SIRT3: variants seen among roughly 807,000 people sequenced by gnomAD.
SIRT3 encodes sirtuin 3.
In SIRT3, 26 loss-of-function variants were observed where a neutral mutation model predicts 33.5. That is an observed-to-expected ratio of 0.78 (90% CI 0.57 to 1.08). SIRT3 has a LOEUF of 1.08. Ranked by LOEUF, SIRT3 falls within the 50% of genes least tolerant of loss-of-function variation. The pLI is 0.00. For missense variants in SIRT3, 585 were observed against 530.1 expected, an observed-to-expected ratio of 1.10 and a Z score of -1.02; for synonymous variants, 237 against 222.1, an observed-to-expected ratio of 1.07 and a Z score of -0.60.
At chr11:225,514 T>C (rs574601962) in intron 4 of SIRT3, among the ~76,000 whole-genome samples, 23 of 152,156 alleles carry the variant, frequency 1.5e-4, no homozygotes, top group Middle Eastern at 3.4e-3. Context: ...AATAACCAAA[T>C]AGAACTTCTA....
At chr11:235,637 C>A (rs955969843) in intron 1 of SIRT3, among the ~76,000 whole-genome samples, 14 of 152,136 alleles carry the variant, frequency 9.2e-5, no homozygotes, top group Admixed American at 8.5e-4. Flanking sequence ...TCCTATGTAG[C>A]CTCAGTTCTT....
chr11:226,783 C>T (rs1315591761), intron 4 of SIRT3, among the ~76,000 whole-genome samples: 5 of 133,320 alleles, frequency 3.8e-5, no homozygotes, highest in African/African-American at 1.3e-4. Context: ...GATGGAGTTT[C>T]GCTCTTGTTT....
At chr11:219,164 G>A in intron 5 of SIRT3, 123 bp from the exon 6 acceptor site, 1 of 1,244,918 alleles carries the variant, frequency 8.0e-7, no homozygotes, top group South Asian at 1.5e-5. Context: ...CTGCGATATA[G>A]GGAAAACCCA....
Position 233,179 on chromosome 11 carries a change from C to G in SIRT3, c.510G>C (p.Gln170His), listed in dbSNP as rs1016606459. The G allele has an allele frequency of 2.5e-6, 4 of 1,614,090 alleles. No individual in the cohort carries two copies. In the African/African-American group the frequency reaches 5.3e-5, roughly 22 times the overall value. ...TGGCCTCGGGGTACGGGAGATCGTA[C>G]TGCTGGAGGTTGCTGTACAGGCCAC... The part of the protein sequence containing the change: ...PGSGLYSNLQ[Q>H]YDLPYPEAIF... The change falls in exon 3 of 7, where the codon CAG becomes CAC. Residue 170 changes from glutamine to histidine, a missense_variant. Gln to His is a conservative substitution (Grantham distance 24). Transcript: ENST00000382743.
intron 4 of SIRT3, 146 bp from the exon 5 acceptor site, chr11:224,385 G>T: frequency 1.2e-6 from 1 of 866,730 alleles, no homozygotes; most frequent in Non-Finnish European, 1.8e-6. Flanking sequence ...CCAGCTTCAG[G>T]AATTACCAGT....
intron 6 of SIRT3, among the ~76,000 whole-genome samples, chr11:217,424 G>A (rs560123181): frequency 6.6e-6 from 1 of 152,346 alleles, no homozygotes; most frequent in South Asian, 2.1e-4. Flanking sequence ...ACTCCAGCTT[G>A]GGCAACAAGA....
chr11:216,848 A>G, intron 6 of SIRT3, 130 bp from the exon 7 acceptor site: 1 of 996,202 alleles, frequency 1.0e-6, no homozygotes, highest in Non-Finnish European at 1.6e-6. Context: ...TTCTGCAAAT[A>G]CTGCTGCTGC....
chr11:236,911 G>A, upstream of SIRT3: 2 of 713,978 alleles, frequency 2.8e-6, no homozygotes, highest in Non-Finnish European at 4.9e-6. Context: ...CAACCAGCGG[G>A]GCCCGCCCCC....
At chr11:218,630 G>T in intron 6 of SIRT3, 1 of 972,900 alleles carries the variant, frequency 1.0e-6, no homozygotes, top group Non-Finnish European at 1.5e-6. Context: ...TGCTTGGCCT[G>T]TTAGCATCTG....
intron 5 of SIRT3, among the ~76,000 whole-genome samples, chr11:221,524 T>C (rs935905961): frequency 9.2e-5 from 14 of 152,266 alleles, no homozygotes; most frequent in African/African-American, 3.4e-4. Flanking sequence ...AAAGCTCTTG[T>C]GGCTGAATAT....
Position 236,337 on chromosome 11 carries a change from C to CCGCGG in SIRT3, c.-10_-9insCCGCG. 7.2e-7 allele frequency: 1 copy of CCGCGG among 1,385,668 alleles called. No homozygotes were observed. Among genetic ancestry groups the CCGCGG allele is most frequent in the Non-Finnish European group, 9.3e-7 (1 of 1,071,614 alleles). 85.8% of individuals were successfully genotyped at this position (1,385,668 alleles called of 1,614,324 possible). On this transcript the variant is annotated 5_prime_UTR_variant, in exon 1 of 7. Coordinates refer to ENST00000382743, the MANE Select transcript of SIRT3 (RefSeq NM_012239.6). Reference sequence around the variant, plus strand: ...CAACCCCAGAACGCCATGTTCCGCGCAGTCCAAGGAGTCCTCCGGACTCGC... The same window carrying CCGCGG: ...CAACCCCAGAACGCCATGTTCCGCGCCGCGGAGTCCAAGGAGTCCTCCGGACTCGC...
At chr11:221,770 C>G (rs1250584478) in intron 5 of SIRT3, among the ~76,000 whole-genome samples, 1 of 152,220 alleles carries the variant, frequency 6.6e-6, no homozygotes, top group Non-Finnish European at 1.5e-5. Flanking sequence ...AAACTGTTGG[C>G]ATTAACAACG....
At position 223,620 on chromosome 11, in the gene SIRT3, C is replaced by T. The variant is rs968969207; in HGVS notation, c.969+458G>A. On this transcript the variant is annotated intron_variant, in intron 5 of 6. Coordinates refer to ENST00000382743, the MANE Select transcript of SIRT3 (RefSeq NM_012239.6). The surrounding 1 kb of genome is among the most constrained non-coding windows in gnomAD (Gnocchi z 4.8). ...GCCCCTCCACCTCGCCCCCACACCC[C>T]CATCCTTCTCCCTTCTCCTCACACG... 4.2e-6 allele frequency: 2 copies of T among 478,884 alleles called. No individual in the cohort carries two copies. Among genetic ancestry groups the T allele is most frequent in the South Asian group, 3.8e-5 (2 of 52,090 alleles). The allele number at this position is 478,884 out of a possible 1,614,324, so 29.7% of individuals were successfully genotyped here.
chr11:233,234 G>T lies in SIRT3; in HGVS notation c.474-19C>A. On this transcript the variant is annotated intron_variant, in intron 2 of 6. Transcript: ENST00000382743. Reference sequence around the variant, plus strand: ...CGGCGATCTGCAGGGAGAGAAGAAAGGCTCTGAGGCCTTTGGAAGAGGACA... The same window carrying T: ...CGGCGATCTGCAGGGAGAGAAGAAATGCTCTGAGGCCTTTGGAAGAGGACA... 1 of 1,609,896 alleles carries T rather than the reference G, an allele frequency of 6.2e-7. No individual in the cohort carries two copies. Among genetic ancestry groups the T allele is most frequent in the South Asian group, 1.1e-5 (1 of 90,790 alleles).
intron 5 of SIRT3, among the ~76,000 whole-genome samples, chr11:220,163 CTACTAAAAA>C (rs918645049): frequency 5.9e-5 from 9 of 151,970 alleles, no homozygotes; most frequent in African/African-American, 2.2e-4. Flanking sequence ...AACCACGTCT[CTACTAAAAA>C]TACAAAACTT....
At chr11:236,395 T>TC (rs1279356818), upstream of SIRT3, 5 of 162,152 alleles carry the variant, frequency 3.1e-5, no homozygotes, top group Non-Finnish European at 3.7e-5. Flanking sequence ...CGCCTCCGCC[T>TC]CCCACCCCCG....
At chr11:234,428 G>GTTTTA (rs1438708119) in intron 1 of SIRT3, among the ~76,000 whole-genome samples, 1 of 152,136 alleles carries the variant, frequency 6.6e-6, no homozygotes, top group East Asian at 1.9e-4. Flanking sequence ...GTTTTGTTTT[G>GTTTTA]TTTTGAGACG....
At chr11:233,584 A>C in intron 1 of SIRT3, 50 bp from the exon 2 acceptor site, 34 of 1,581,164 alleles carry the variant, frequency 2.2e-5, no homozygotes, top group Non-Finnish European at 2.7e-5. Flanking sequence ...AACCAATCTC[A>C]GGATAGCAAG....
At chr11:230,631 T>C in intron 3 of SIRT3, 79 bp from the exon 4 acceptor site, 1 of 998,274 alleles carries the variant, frequency 1.0e-6, no homozygotes, top group Admixed American at 3.2e-5. Context: ...CTTCTGGGCT[T>C]GGCAGGACTC....
Sources: allele counts gnomAD v4.1 joint callset (sites outside exome capture counted in the v4.1 genomes callset), GRCh38; gene constraint gnomAD v4.1.1; non-coding constraint Gnocchi (gnomAD v3.1); transcripts MANE v1.5; gene names NCBI Gene and HGNC (gene_info 2026-07-23, HGNC 2026-07-21).